LRRC8D: variants seen among roughly 807,000 people sequenced by gnomAD.
LRRC8D encodes volume-regulated anion channel subunit LRRC8D.
In LRRC8D, 20 loss-of-function variants were observed where a neutral mutation model predicts 55.8. The observed-to-expected ratio is 0.36, with a 90% confidence interval of 0.25 to 0.52. LRRC8D has a LOEUF of 0.52. LRRC8D is among the 20% of genes least tolerant of loss of function. The pLI, the probability that LRRC8D is intolerant of heterozygous loss-of-function variation, is 0.93. For missense variants in LRRC8D, 651 were observed against 1,030.8 expected (o/e 0.63, Z 5.05); for synonymous variants, 352 against 377.0 (o/e 0.93, Z 0.77).
intron 1 of LRRC8D, 60 bp from the exon 2 acceptor site, chr1:89,843,578 C>G: frequency 2.9e-6 from 2 of 697,478 alleles, no homozygotes; most frequent in Non-Finnish European, 5.2e-6. Flanking sequence ...GCACTCCTTC[C>G]TCCCCGCTGC....
chr1:89,896,566 G>T (rs1662718774), intron 2 of LRRC8D, among the ~76,000 whole-genome samples: 1 of 152,146 alleles, frequency 6.6e-6, no homozygotes, highest in South Asian at 2.1e-4. Context: ...CAGGCCGAGG[G>T]TAGGGCAAGC....
rs1002794811 is a variant in LRRC8D at position 89,874,884 on chromosome 1, T to A, written c.-3+31102T>A. Among the ~76,000 whole-genome samples the A allele has an allele frequency of 4.6e-5, 7 of 152,222 alleles. No individual in the cohort carries two copies. The East Asian group carries it at 1.3e-3, about 29-fold the overall frequency. On this transcript the variant is annotated intron_variant, in intron 2 of 2. Transcript: ENST00000337338. Reference sequence around the variant, plus strand: ...AATGTTTATTCATAAATTCATTTAATTCTTAGTTCTACTGAGACTTTACCA... The same window carrying A: ...AATGTTTATTCATAAATTCATTTAAATCTTAGTTCTACTGAGACTTTACCA...
intron 2 of LRRC8D, among the ~76,000 whole-genome samples, chr1:89,931,635 T>C (rs377618009): frequency 0.016 from 2,422 of 152,230 alleles, 56 homozygotes; most frequent in African/African-American, 0.047. Context: ...GGTGGATGCC[T>C]GTAGTCCCAG....
intron 2 of LRRC8D, among the ~76,000 whole-genome samples, chr1:89,887,937 C>T (rs1312287819): frequency 6.6e-6 from 1 of 152,154 alleles, no homozygotes; most frequent in Non-Finnish European, 1.5e-5. Context: ...TGATCATACC[C>T]TGAGTTTATT....
chr1:89,917,859 C>G (rs1321007266), intron 2 of LRRC8D, among the ~76,000 whole-genome samples: 1 of 152,144 alleles, frequency 6.6e-6, no homozygotes, highest in Non-Finnish European at 1.5e-5. Context: ...CACTGCATGG[C>G]AAATCTACCT....
chr1:89,898,109 G>GA (rs2100901057), intron 2 of LRRC8D, among the ~76,000 whole-genome samples: 1 of 152,284 alleles, frequency 6.6e-6, no homozygotes, highest in African/African-American at 2.4e-5. Flanking sequence ...ATACTGAGAG[G>GA]AAAAACCTTG....
intron 2 of LRRC8D, among the ~76,000 whole-genome samples, chr1:89,922,542 T>C (rs1324237966): frequency 6.6e-6 from 1 of 152,222 alleles, no homozygotes; most frequent in Non-Finnish European, 1.5e-5. Flanking sequence ...TCCTCAATGA[T>C]TCTTTTTTTC....
chr1:89,838,125 C>T (rs10801781), intron 1 of LRRC8D, among the ~76,000 whole-genome samples: 96,239 of 150,944 alleles, frequency 0.64, 34,216 homozygotes, highest in East Asian at 0.83. Flanking sequence ...TTTGGGAGAC[C>T]GAGGTGGGTG....
At chr1:89,892,549 C>T (rs1364696487) in intron 2 of LRRC8D, among the ~76,000 whole-genome samples, 1 of 151,944 alleles carries the variant, frequency 6.6e-6, no homozygotes, top group Non-Finnish European at 1.5e-5. Context: ...GAGACAGTCT[C>T]GCTCTGTCGC....
intron 2 of LRRC8D, among the ~76,000 whole-genome samples, chr1:89,920,795 T>G (rs1663395704): frequency 6.6e-6 from 1 of 152,118 alleles, no homozygotes; most frequent in African/African-American, 2.4e-5. Flanking sequence ...GATAACTGAT[T>G]TGGGTGTGCT....
At chr1:89,831,249 A>G (rs1185539142) in intron 1 of LRRC8D, among the ~76,000 whole-genome samples, 2 of 152,166 alleles carry the variant, frequency 1.3e-5, no homozygotes, top group Middle Eastern at 3.2e-3. Flanking sequence ...CATGAATTGA[A>G]ACTTGATTTC....
At chr1:89,869,434 A>G (rs1661940120) in intron 2 of LRRC8D, among the ~76,000 whole-genome samples, 1 of 152,238 alleles carries the variant, frequency 6.6e-6, no homozygotes, top group South Asian at 2.1e-4. Context: ...GAGCAAACAA[A>G]GCCTCCAAGA....
chr1:89,931,720 C>T (rs936386869), intron 2 of LRRC8D, among the ~76,000 whole-genome samples: 2 of 152,080 alleles, frequency 1.3e-5, no homozygotes, highest in Admixed American at 6.5e-5. Flanking sequence ...GATCGCGCCA[C>T]TGCACTCTAG....
chr1:89,824,147 A>G (rs1246925775), intron 1 of LRRC8D, among the ~76,000 whole-genome samples: 1 of 152,198 alleles, frequency 6.6e-6, no homozygotes, highest in Non-Finnish European at 1.5e-5. Context: ...TACTGTGCAC[A>G]GGACATCAAC....
chr1:89,898,674 G>A (rs974405358), intron 2 of LRRC8D, among the ~76,000 whole-genome samples: 2 of 152,136 alleles, frequency 1.3e-5, no homozygotes, highest in African/African-American at 2.4e-5. Context: ...TGCTGTTCCC[G>A]AAATCAAGCA....
At chr1:89,928,514 G>T (rs750005368) in intron 2 of LRRC8D, among the ~76,000 whole-genome samples, 5 of 152,196 alleles carry the variant, frequency 3.3e-5, no homozygotes, top group Non-Finnish European at 7.3e-5. Context: ...AACTTCTGGT[G>T]GGGGGTGGCA....
At chr1:89,877,376 C>A (rs889336682) in intron 2 of LRRC8D, among the ~76,000 whole-genome samples, 1 of 152,068 alleles carries the variant, frequency 6.6e-6, no homozygotes, top group African/African-American at 2.4e-5. Context: ...AATAACAGTA[C>A]CTTTTAAAAT....
Position 89,839,495 on chromosome 1 carries a change from T to A in LRRC8D, c.-147-4143T>A, listed in dbSNP as rs1034501068. ...ACTATCTTACAGGCATATTTTTTTT[T>A]AAACATGATTTGCGACCCCTTGCTG... On this transcript the variant is annotated intron_variant, in intron 1 of 2. Coordinates refer to ENST00000337338, the MANE Select transcript of LRRC8D (RefSeq NM_001134479.2). Among the ~76,000 whole-genome samples the A allele has an allele frequency of 7.9e-5, 12 of 152,184 alleles. No individual in the cohort carries two copies. The South Asian group carries it at 8.3e-4, about 10-fold the overall frequency.
intron 2 of LRRC8D, among the ~76,000 whole-genome samples, chr1:89,931,713 C>G (rs1018348614): frequency 6.6e-6 from 1 of 152,022 alleles, no homozygotes; most frequent in Non-Finnish European, 1.5e-5. Context: ...GAGCTGAGAT[C>G]GCGCCACTGC....
Sources: allele counts gnomAD v4.1 joint callset (sites outside exome capture counted in the v4.1 genomes callset), GRCh38; gene constraint gnomAD v4.1.1; transcripts MANE v1.5; gene names NCBI Gene and HGNC (gene_info 2026-07-23, HGNC 2026-07-21).